COLEC12: variants seen among roughly 807,000 people sequenced by gnomAD.
COLEC12 encodes the protein collectin-12.
Under a neutral mutation model 71.1 loss-of-function variants are expected in COLEC12, and 33 were observed. The ratio of observed to expected loss-of-function variants is 0.46; its 90% confidence interval spans 0.35 to 0.62. The LOEUF (loss-of-function observed/expected upper bound fraction) is 0.62. Ranked by LOEUF, COLEC12 falls within the 20% of genes least tolerant of loss-of-function variation. The pLI, the probability that COLEC12 is intolerant of heterozygous loss-of-function variation, is 0.00. For missense variants in COLEC12, 765 were observed against 916.1 expected (o/e 0.84, Z 2.13); for synonymous variants, 350 against 353.0 (o/e 0.99, Z 0.10).
intron 2 of COLEC12, among the ~76,000 whole-genome samples, chr18:460,701 C>T (rs1178388935): frequency 6.6e-6 from 1 of 152,188 alleles, no homozygotes; most frequent in Admixed American, 6.5e-5. Context: ...GTAATATTCA[C>T]ACATTAGCTG....
intron 8 of COLEC12, among the ~76,000 whole-genome samples, chr18:322,461 AT>A (rs1913731382): frequency 6.6e-6 from 1 of 152,080 alleles, no homozygotes; most frequent in South Asian, 2.1e-4. Flanking sequence ...TGGGAGAGAG[AT>A]TCTTAAAAAC....
intron 2 of COLEC12, among the ~76,000 whole-genome samples, chr18:412,111 T>A (rs62087999): frequency 0.31 from 46,785 of 152,106 alleles, 7,937 homozygotes; most frequent in South Asian, 0.54. Flanking sequence ...CATATTCAGA[T>A]GATGAGTGAA....
chr18:407,747 C>A (rs928780043), intron 2 of COLEC12, among the ~76,000 whole-genome samples: 2 of 152,182 alleles, frequency 1.3e-5, no homozygotes, highest in Admixed American at 6.5e-5. Context: ...ACCCCACAAC[C>A]AGTAAAGTCA....
At chr18:476,747 C>T (rs1253762437) in intron 2 of COLEC12, among the ~76,000 whole-genome samples, 1 of 152,164 alleles carries the variant, frequency 6.6e-6, no homozygotes, top group Non-Finnish European at 1.5e-5. Flanking sequence ...AATAAATAGA[C>T]AAATATCACT....
intron 2 of COLEC12, among the ~76,000 whole-genome samples, chr18:460,844 G>A (rs1443368058): frequency 6.6e-6 from 1 of 152,202 alleles, no homozygotes; most frequent in Admixed American, 6.5e-5. Flanking sequence ...TCTCAGGCCA[G>A]CCCTTATTAG....
chr18:384,368 G>C (rs940973697), intron 2 of COLEC12, among the ~76,000 whole-genome samples: 1 of 152,122 alleles, frequency 6.6e-6, no homozygotes, highest in South Asian at 2.1e-4. Context: ...CCAGGATAGA[G>C]AGGAGTCTAA....
At chr18:495,438 C>T (rs538445540) in intron 1 of COLEC12, among the ~76,000 whole-genome samples, 4 of 152,314 alleles carry the variant, frequency 2.6e-5, no homozygotes, top group African/African-American at 7.2e-5. Context: ...GTTAGCAAGA[C>T]GAGTGTAGGG....
chr18:331,236 C>T (rs1194482234), intron 8 of COLEC12, among the ~76,000 whole-genome samples: 1 of 152,076 alleles, frequency 6.6e-6, no homozygotes, highest in Non-Finnish European at 1.5e-5. Flanking sequence ...GCCTAGAAGC[C>T]CAACTAGGGG....
In COLEC12 at chr18:342,101, A is replaced by G. The variant is rs937125920; in HGVS notation, c.1327+4194T>C. ...AGACGGAGTTTCACTCTTGTTGCCCAGGCTAGAGTGCAATGGTGAGATCTC... is the reference window on the plus strand; with the variant it reads ...AGACGGAGTTTCACTCTTGTTGCCCGGGCTAGAGTGCAATGGTGAGATCTC... On this transcript the variant is annotated intron_variant, in intron 5 of 9. Transcript: ENST00000400256. 1.1e-4 allele frequency among the ~76,000 whole-genome samples: 16 copies of G among 152,090 alleles called. 1 individual carries two copies. Among genetic ancestry groups the G allele is most frequent in the Admixed American group, 9.2e-4 (14 of 15,270 alleles).
At chr18:437,971 T>G (rs1466549947) in intron 2 of COLEC12, among the ~76,000 whole-genome samples, 1 of 152,236 alleles carries the variant, frequency 6.6e-6, no homozygotes, top group Non-Finnish European at 1.5e-5. Context: ...TTTTAGAAAT[T>G]TATAGGCTAC....
At chr18:428,980 A>T (rs1916249382) in intron 2 of COLEC12, among the ~76,000 whole-genome samples, 1 of 152,244 alleles carries the variant, frequency 6.6e-6, no homozygotes, top group Non-Finnish European at 1.5e-5. Flanking sequence ...AGGTCATACA[A>T]GCCCACCATT....
Position 320,000 on chromosome 18 carries a change from C to A in COLEC12, c.*45G>T. The A allele has an allele frequency of 8.0e-7, 1 of 1,256,522 alleles. No homozygotes were observed. The highest frequency in any genetic ancestry group is 1.3e-5 in the South Asian group (1 of 76,010). The allele number at this position is 1,256,522 out of a possible 1,614,324, so 77.8% of individuals were successfully genotyped here. A position where few individuals can be genotyped will look rare whatever the true frequency, so the allele number is the denominator to read the frequency against. On this transcript the variant is annotated 3_prime_UTR_variant, in exon 10 of 10. Coordinates refer to ENST00000400256, the MANE Select transcript of COLEC12 (RefSeq NM_130386.3). The stretch of plus-strand genomic sequence containing the variant: ...TGCAATTAGAAAGGAGTGTCCTTTG[C>A]CTTTGAGAGCTGAAAATTTGCTCAT...
chr18:371,161 G>A (rs1914989881), intron 2 of COLEC12, among the ~76,000 whole-genome samples: 1 of 152,130 alleles, frequency 6.6e-6, no homozygotes, highest in Admixed American at 6.5e-5. Context: ...GTACTTGGGG[G>A]AAACAACACC....
rs1431727726 is a variant in COLEC12 at position 319,331 on chromosome 18, A to ATATATATATATATAT, written c.*713_*714insATATATATATATATA. 10 of 54,484 alleles carry ATATATATATATATAT rather than the reference A, an allele frequency of 1.8e-4. No homozygotes were observed. The highest frequency in any genetic ancestry group is 6.3e-4 in the South Asian group (1 of 1,576). 3.4% of individuals were successfully genotyped at this position (54,484 alleles called of 1,614,324 possible). Reference sequence around the variant, plus strand: ...GAGGAAATGAAACATTAAAAAAAAAAAAAAAAAAAAATATATATATATATA... The same window carrying ATATATATATATATAT: ...GAGGAAATGAAACATTAAAAAAAAAATATATATATATATATAAAAAAAAAAATATATATATATATA... On this transcript the variant is annotated 3_prime_UTR_variant, in exon 10 of 10. Transcript: ENST00000400256.
At chr18:378,735 C>G (rs1478130483) in intron 2 of COLEC12, among the ~76,000 whole-genome samples, 1 of 152,198 alleles carries the variant, frequency 6.6e-6, no homozygotes, top group Admixed American at 6.5e-5. Flanking sequence ...CTTGTCCTTT[C>G]AAGACCCTTC....
intron 5 of COLEC12, among the ~76,000 whole-genome samples, chr18:335,683 C>T (rs1217845832): frequency 6.6e-6 from 1 of 152,168 alleles, no homozygotes; most frequent in East Asian, 1.9e-4. Flanking sequence ...GGACTTGCGG[C>T]CTCCAGAACC....
At chr18:363,739 T>C (rs546221609) in intron 2 of COLEC12, among the ~76,000 whole-genome samples, 2 of 152,344 alleles carry the variant, frequency 1.3e-5, no homozygotes, top group African/African-American at 4.8e-5. Context: ...CATAAAACAC[T>C]TTATCCACCG....
At chr18:410,680 C>T (rs995368023) in intron 2 of COLEC12, among the ~76,000 whole-genome samples, 2 of 152,074 alleles carry the variant, frequency 1.3e-5, no homozygotes, top group African/African-American at 4.8e-5. Flanking sequence ...CCGCCTTGGC[C>T]TCCCAAAGTG....
intron 8 of COLEC12, 78 bp from the exon 9 acceptor site, chr18:321,885 T>TA: frequency 2.1e-6 from 3 of 1,400,544 alleles, no homozygotes; most frequent in Non-Finnish European, 2.9e-6. Flanking sequence ...GCAGAGAATA[T>TA]AAAAAAACAA....
Sources: allele counts gnomAD v4.1 joint callset (sites outside exome capture counted in the v4.1 genomes callset), GRCh38; gene constraint gnomAD v4.1.1; transcripts MANE v1.5; gene names NCBI Gene and HGNC (gene_info 2026-07-23, HGNC 2026-07-21).